KIAA1217: variants seen among roughly 807,000 people sequenced by gnomAD.
The protein encoded by KIAA1217 is KIAA1217.
A neutral mutation model predicts 163.9 loss-of-function variants in KIAA1217; 88 were observed. That is an observed-to-expected ratio of 0.54 (90% CI 0.45 to 0.64). The LOEUF (loss-of-function observed/expected upper bound fraction) is 0.64. Ranked by LOEUF, KIAA1217 falls within the 30% of genes least tolerant of loss-of-function variation. The probability of loss-of-function intolerance (pLI) is 0.00; values close to 1 mark genes in which losing one functional copy is unlikely to be tolerated. For missense variants in KIAA1217, 2,372 were observed against 2,475.0 expected (o/e 0.96, Z 0.88); for synonymous variants, 903 against 923.1 (o/e 0.98, Z 0.39).
chr10:24,378,352 A>C (rs1468395667), intron 2 of KIAA1217, among the ~76,000 whole-genome samples: 1 of 152,116 alleles, frequency 6.6e-6, no homozygotes, highest in African/African-American at 2.4e-5. Context: ...CCAGGCTGGG[A>C]GTGGGTAGCC....
chr10:23,955,064 G>GT (rs1336266560), intron 1 of KIAA1217, among the ~76,000 whole-genome samples: 5 of 152,162 alleles, frequency 3.3e-5, no homozygotes, highest in African/African-American at 4.8e-5. Flanking sequence ...ACTGTGCCCA[G>GT]TTTTTTATAT....
chr10:24,150,004 T>C (rs2064527788), intron 2 of KIAA1217, among the ~76,000 whole-genome samples: 1 of 152,178 alleles, frequency 6.6e-6, no homozygotes, highest in African/African-American at 2.4e-5. Context: ...AGAGATATTC[T>C]GTATTTTTCT....
intron 1 of KIAA1217, among the ~76,000 whole-genome samples, chr10:23,912,015 G>A (rs534636009): frequency 2.8e-4 from 42 of 152,240 alleles, no homozygotes; most frequent in African/African-American, 9.9e-4. Context: ...GGTGTAGCTC[G>A]TTGACATGCA....
intron 1 of KIAA1217, among the ~76,000 whole-genome samples, chr10:23,786,793 T>A (rs1402418572): frequency 6.6e-6 from 1 of 151,892 alleles, no homozygotes; most frequent in Non-Finnish European, 1.5e-5. Context: ...ATACCACACC[T>A]GACCACAGAG....
intron 1 of KIAA1217, among the ~76,000 whole-genome samples, chr10:23,826,016 T>C (rs1403280254): frequency 6.6e-6 from 1 of 152,188 alleles, no homozygotes; most frequent in African/African-American, 2.4e-5. Context: ...ACCATCTCCT[T>C]GCCTCCTGGG....
At chr10:24,175,813 G>C (rs183409633) in intron 2 of KIAA1217, among the ~76,000 whole-genome samples, 1 of 152,140 alleles carries the variant, frequency 6.6e-6, no homozygotes, top group Non-Finnish European at 1.5e-5. Flanking sequence ...GGAGTTGTTC[G>C]TTCCTCCTGT....
At chr10:24,264,001 G>A (rs577844504) in intron 2 of KIAA1217, among the ~76,000 whole-genome samples, 2 of 152,212 alleles carry the variant, frequency 1.3e-5, no homozygotes, top group East Asian at 3.9e-4. Flanking sequence ...GGGACTACAG[G>A]CACGTGCCAC....
intron 1 of KIAA1217, among the ~76,000 whole-genome samples, chr10:23,737,740 T>C (rs1458381582): frequency 6.6e-6 from 1 of 152,208 alleles, no homozygotes; most frequent in Non-Finnish European, 1.5e-5. Context: ...TGAGAATACA[T>C]TATTTTTCTC....
intron 2 of KIAA1217, among the ~76,000 whole-genome samples, chr10:24,220,694 T>A (rs2069491799): frequency 6.6e-6 from 1 of 150,974 alleles, no homozygotes. Flanking sequence ...GATCTCGTGA[T>A]CCGCCCACCT....
At chr10:23,948,452 G>T (rs1299497160) in intron 1 of KIAA1217, among the ~76,000 whole-genome samples, 2 of 152,148 alleles carry the variant, frequency 1.3e-5, no homozygotes, top group Admixed American at 6.6e-5. Context: ...GCCAGTAACT[G>T]CCACTTTGTT....
chr10:24,057,769 A>G (rs1381550634), intron 2 of KIAA1217, among the ~76,000 whole-genome samples: 1 of 152,112 alleles, frequency 6.6e-6, no homozygotes, highest in Non-Finnish European at 1.5e-5. Context: ...TTGCTATTAA[A>G]CCGTAGGTGT....
intron 1 of KIAA1217, among the ~76,000 whole-genome samples, chr10:23,820,916 C>T (rs1837588971): frequency 6.6e-6 from 1 of 152,074 alleles, no homozygotes; most frequent in Non-Finnish European, 1.5e-5. Flanking sequence ...AGAATGTGCC[C>T]CCTTTGTACA....
intron 2 of KIAA1217, among the ~76,000 whole-genome samples, chr10:24,274,219 T>C (rs916506005): frequency 1.3e-5 from 2 of 152,212 alleles, no homozygotes; most frequent in Non-Finnish European, 2.9e-5. Flanking sequence ...AATATTGCCA[T>C]TGCTGGCCAG....
intron 2 of KIAA1217, among the ~76,000 whole-genome samples, chr10:24,178,705 T>C (rs2066024245): frequency 6.6e-6 from 1 of 152,230 alleles, no homozygotes; most frequent in Non-Finnish European, 1.5e-5. Flanking sequence ...TCCTTTGAAG[T>C]TTCTCAGCAC....
chr10:23,977,205 C>G (rs892970892), intron 1 of KIAA1217, among the ~76,000 whole-genome samples: 1 of 152,182 alleles, frequency 6.6e-6, no homozygotes, highest in African/African-American at 2.4e-5. Context: ...AGAAGCACAT[C>G]TTGAAGTTAT....
At chr10:23,787,073 C>T (rs1378089664) in intron 1 of KIAA1217, among the ~76,000 whole-genome samples, 1 of 151,818 alleles carries the variant, frequency 6.6e-6, no homozygotes, top group Non-Finnish European at 1.5e-5. Context: ...GTCTTTTTTG[C>T]ATTATAAGGA....
chr10:24,097,986 C>T (rs2062230284), intron 2 of KIAA1217, among the ~76,000 whole-genome samples: 1 of 151,952 alleles, frequency 6.6e-6, no homozygotes, highest in South Asian at 2.1e-4. Context: ...GGGCAACACG[C>T]CTCCTTTTCT....
At chr10:24,255,641 G>A (rs2075071660) in intron 2 of KIAA1217, 3 of 423,128 alleles carry the variant, frequency 7.1e-6, no homozygotes, top group African/African-American at 2.1e-5. Context: ...CCCCCCTGGG[G>A]TCCCTAAACT....
intron 2 of KIAA1217, among the ~76,000 whole-genome samples, chr10:24,187,937 C>T (rs2066520801): frequency 6.6e-6 from 1 of 151,914 alleles, no homozygotes. Context: ...GTGGCTGATG[C>T]CTGTAATCCC....
Sources: allele counts gnomAD v4.1 joint callset (sites outside exome capture counted in the v4.1 genomes callset), GRCh38; gene constraint gnomAD v4.1.1; transcripts MANE v1.5; gene names NCBI Gene and HGNC (gene_info 2026-07-23, HGNC 2026-07-21).